The following LUZP2 variants were observed in gnomAD, a reference collection of about 807,000 sequenced individuals.
LUZP2 encodes the protein leucine zipper protein 2.
A neutral mutation model predicts 51.6 loss-of-function variants in LUZP2; 52 were observed. The ratio of observed to expected loss-of-function variants is 1.01; its 90% CI spans 0.81 to 1.27. The LOEUF (loss-of-function observed/expected upper bound fraction) is 1.27, where lower values mean the gene tolerates loss of function less well. Ranked by LOEUF, LUZP2 falls within the 50% of genes most tolerant of loss-of-function variation. LUZP2 has a pLI of 0.00. For synonymous variants in LUZP2, 154 were observed against 137.3 expected (o/e 1.12, Z -0.85); for missense variants, 436 against 395.4 (o/e 1.10, Z -0.87).
chr11:24,583,728 G>A (rs61875660), intron 1 of LUZP2, among the ~76,000 whole-genome samples: 14,502 of 149,970 alleles, frequency 0.097, 850 homozygotes, highest in African/African-American at 0.15. Context: ...TTTTGAGATG[G>A]AGTCTCGCTC....
intron 1 of LUZP2, among the ~76,000 whole-genome samples, chr11:24,513,064 T>C (rs924647692): frequency 6.6e-6 from 1 of 152,142 alleles, no homozygotes; most frequent in Non-Finnish European, 1.5e-5. Flanking sequence ...AGCAAATGAT[T>C]TTTTTCTATA....
intron 1 of LUZP2, among the ~76,000 whole-genome samples, chr11:24,544,675 G>GTCTACC (rs2133728321): frequency 6.6e-6 from 1 of 151,822 alleles, no homozygotes; most frequent in Non-Finnish European, 1.5e-5. Flanking sequence ...CCTTTATTTT[G>GTCTACC]TCTACCTCTG....
intron 9 of LUZP2, among the ~76,000 whole-genome samples, chr11:25,046,167 A>C (rs1858299544): frequency 6.6e-6 from 1 of 151,940 alleles, no homozygotes; most frequent in African/African-American, 2.4e-5. Flanking sequence ...TTGGTCAGGA[A>C]ATTAAATGCA....
At chr11:24,932,660 A>G (rs534560965) in intron 7 of LUZP2, among the ~76,000 whole-genome samples, 8 of 152,238 alleles carry the variant, frequency 5.3e-5, no homozygotes, top group African/African-American at 1.9e-4. Context: ...TGCCCCCTCA[A>G]CATCATCAAA....
At chr11:24,935,887 A>G (rs1313062875) in intron 7 of LUZP2, among the ~76,000 whole-genome samples, 2 of 152,160 alleles carry the variant, frequency 1.3e-5, no homozygotes, top group Non-Finnish European at 2.9e-5. Flanking sequence ...CCTAATGGTG[A>G]TGCCAATATA....
intron 9 of LUZP2, among the ~76,000 whole-genome samples, chr11:25,015,990 G>C (rs557355791): frequency 8.8e-4 from 132 of 149,296 alleles, no homozygotes; most frequent in African/African-American, 3.1e-3. Flanking sequence ...GTGCAATCTC[G>C]GCTCACTGCA....
chr11:24,654,592 T>C (rs1855741883), intron 1 of LUZP2, among the ~76,000 whole-genome samples: 1 of 151,896 alleles, frequency 6.6e-6, no homozygotes. Flanking sequence ...AACCTCCGCC[T>C]CCTGAATTCA....
chr11:24,936,583 C>T (rs1465913360), intron 7 of LUZP2, among the ~76,000 whole-genome samples: 1 of 151,756 alleles, frequency 6.6e-6, no homozygotes, highest in Non-Finnish European at 1.5e-5. Flanking sequence ...GGAGAAGCCC[C>T]TCTCATTCCT....
chr11:24,987,066 T>A (rs1856208457), intron 9 of LUZP2, among the ~76,000 whole-genome samples: 1 of 151,940 alleles, frequency 6.6e-6, no homozygotes, highest in East Asian at 1.9e-4. Context: ...AGCACCAACC[T>A]TAGAAAGTTG....
chr11:24,721,408 T>A (rs1209841170), intron 1 of LUZP2, among the ~76,000 whole-genome samples: 3 of 152,190 alleles, frequency 2.0e-5, no homozygotes, highest in African/African-American at 7.2e-5. Context: ...GGTGAAATAT[T>A]GAAAGCTCTT....
chr11:24,732,516 G>A (rs1231352537), intron 3 of LUZP2, among the ~76,000 whole-genome samples: 1 of 151,566 alleles, frequency 6.6e-6, no homozygotes, highest in Non-Finnish European at 1.5e-5. Flanking sequence ...TCAATAGACA[G>A]ATTTGATAAT....
Position 24,538,670 on chromosome 11 carries a change from A to G in LUZP2, c.62+41365A>G, listed in dbSNP as rs12270117. 1.1e-3 allele frequency among the ~76,000 whole-genome samples: 90 copies of G among 83,052 alleles called. 1 individual carries two copies. Among genetic ancestry groups the G allele is most frequent in the South Asian group, 4.4e-3 (12 of 2,722 alleles). 54.5% of individuals were successfully genotyped at this position (83,052 alleles called of 152,430 possible). ...TTTTTATATGTGTGTGTGTGTGTGT[A>G]TATATATATATAAAACTTTCAAAAA... On this transcript the variant is annotated intron_variant, in intron 1 of 11. Coordinates refer to ENST00000336930, the MANE Select transcript of LUZP2 (RefSeq NM_001009909.4).
chr11:24,559,678 T>C (rs1851973834), intron 1 of LUZP2, among the ~76,000 whole-genome samples: 1 of 152,196 alleles, frequency 6.6e-6, no homozygotes, highest in African/African-American at 2.4e-5. Context: ...CTTGTGACTT[T>C]TCTGAAAAAT....
intron 8 of LUZP2, among the ~76,000 whole-genome samples, chr11:24,981,363 G>A (rs928645681): frequency 2.0e-5 from 3 of 151,794 alleles, no homozygotes; most frequent in Admixed American, 6.6e-5. Flanking sequence ...GTGTCTTTTA[G>A]CATGCTAATG....
intron 10 of LUZP2, among the ~76,000 whole-genome samples, chr11:25,053,255 T>C (rs1023395060): frequency 2.0e-5 from 3 of 152,134 alleles, no homozygotes; most frequent in Non-Finnish European, 4.4e-5. Context: ...ATCATCATTA[T>C]CAAGAAAGAA....
At chr11:24,778,970 G>A (rs914954245) in intron 5 of LUZP2, among the ~76,000 whole-genome samples, 2 of 152,076 alleles carry the variant, frequency 1.3e-5, no homozygotes, top group Admixed American at 6.6e-5. Flanking sequence ...ATTTCAAACA[G>A]GTGACTCTAA....
At chr11:25,012,186 A>T (rs912266197) in intron 9 of LUZP2, among the ~76,000 whole-genome samples, 13 of 152,316 alleles carry the variant, frequency 8.5e-5, no homozygotes, top group Admixed American at 2.6e-4. Context: ...ACACTTTCCC[A>T]GGTCTCTCAC....
At chr11:25,057,356 A>G (rs184369276) in intron 10 of LUZP2, among the ~76,000 whole-genome samples, 262 of 152,210 alleles carry the variant, frequency 1.7e-3, no homozygotes, top group African/African-American at 5.9e-3. Flanking sequence ...AATGGCCCTC[A>G]GATTCCTTGT....
At chr11:24,860,656 G>C (rs1441448553) in intron 5 of LUZP2, among the ~76,000 whole-genome samples, 1 of 152,070 alleles carries the variant, frequency 6.6e-6, no homozygotes. Context: ...TGAATCAGAT[G>C]AATAGGGCCC....
Sources: allele counts gnomAD v4.1 joint callset (sites outside exome capture counted in the v4.1 genomes callset), GRCh38; gene constraint gnomAD v4.1.1; transcripts MANE v1.5; gene names NCBI Gene and HGNC (gene_info 2026-07-23, HGNC 2026-07-21).